FRMD6: variants seen among roughly 807,000 people sequenced by gnomAD.
The protein encoded by FRMD6 is FERM domain containing 6.
In FRMD6, 37 loss-of-function variants were observed where a neutral mutation model predicts 73.2. The ratio of observed to expected loss-of-function variants is 0.51; its 90% CI spans 0.39 to 0.66. The LOEUF is 0.66. FRMD6 is among the 30% of genes least tolerant of loss of function. The pLI is 0.00. For missense variants in FRMD6, 714 were observed against 780.5 expected, an observed-to-expected ratio of 0.91 and a Z score of 1.02; for synonymous variants, 273 against 282.2, an observed-to-expected ratio of 0.97 and a Z score of 0.33.
Position 51,561,610 on chromosome 14 carries a change from G to GTTTA in FRMD6, c.-209-8722_-209-8719dup, listed in dbSNP as rs760275009. On this transcript the variant is annotated intron_variant, in intron 1 of 14. Coordinates refer to the FRMD6 transcript ENST00000356218. The stretch of plus-strand genomic sequence containing the variant: ...ATTTGACAACAGGCTTGGGTGTTTT[G>GTTTA]TTTATTTATTTATTTATTTTGATGA... Among the ~76,000 whole-genome samples the GTTTA allele has an allele frequency of 8.2e-4, 125 of 152,232 alleles. 1 individual carries two copies. The highest frequency in any genetic ancestry group is 2.8e-3 in the African/African-American group (115 of 41,544).
chr14:51,487,538 A>G (rs1175007997), upstream of FRMD6, among the ~76,000 whole-genome samples: 1 of 152,202 alleles, frequency 6.6e-6, no homozygotes, highest in African/African-American at 2.4e-5. Context: ...CTGCTGTTCT[A>G]TGGGTCACAT....
the FRMD6 span, among the ~76,000 whole-genome samples, chr14:51,416,156 G>A: frequency 1.3e-5 from 2 of 152,170 alleles, no homozygotes; most frequent in South Asian, 4.1e-4. Flanking sequence ...ATCTCCTTCA[G>A]TTCTGCTCTG....
chr14:51,552,031 T>C (rs1886868865), intron 1 of FRMD6, among the ~76,000 whole-genome samples: 1 of 152,174 alleles, frequency 6.6e-6, no homozygotes, highest in South Asian at 2.1e-4. Context: ...GCCTAGAACA[T>C]TGCCTAGCCT....
the FRMD6 span, among the ~76,000 whole-genome samples, chr14:51,425,676 G>C: frequency 1.3e-5 from 2 of 152,160 alleles, no homozygotes; most frequent in African/African-American, 4.8e-5. Flanking sequence ...TATGGCTGCA[G>C]TCTCCTCATC....
chr14:51,463,899 C>G, the FRMD6 span, among the ~76,000 whole-genome samples: 1 of 152,216 alleles, frequency 6.6e-6, no homozygotes, highest in African/African-American at 2.4e-5. Context: ...CTCCCTGCAG[C>G]CTTAGCCTCC....
intron 1 of FRMD6, among the ~76,000 whole-genome samples, chr14:51,659,730 A>G (rs1040331982): frequency 6.6e-6 from 1 of 152,190 alleles, no homozygotes; most frequent in Non-Finnish European, 1.5e-5. Flanking sequence ...TGACTGGCCC[A>G]TGTCTTTTGC....
At chr14:51,625,929 C>T (rs1428176232) in intron 2 of FRMD6, among the ~76,000 whole-genome samples, 5 of 152,148 alleles carry the variant, frequency 3.3e-5, no homozygotes, top group Admixed American at 6.5e-5. Flanking sequence ...CTGTCTCCCC[C>T]GACCAGACTA....
intron 2 of FRMD6, among the ~76,000 whole-genome samples, chr14:51,631,371 G>A (rs994073788): frequency 1.3e-5 from 2 of 152,062 alleles, no homozygotes; most frequent in Admixed American, 1.3e-4. Context: ...CTGTCTTTAG[G>A]AACATTTGAT....
chr14:51,574,194 A>G (rs1186714195), intron 2 of FRMD6, among the ~76,000 whole-genome samples: 2 of 152,086 alleles, frequency 1.3e-5, no homozygotes, highest in African/African-American at 4.8e-5. Context: ...CTCTGACCTT[A>G]GCCACCACCT....
the FRMD6 span, among the ~76,000 whole-genome samples, chr14:51,410,905 G>A: frequency 1.7e-4 from 26 of 152,122 alleles, no homozygotes; most frequent in Non-Finnish European, 3.4e-4. Flanking sequence ...TATTTTGTTG[G>A]TGGTATACAC....
chr14:51,499,569 C>T (rs777013060), intron 1 of FRMD6, among the ~76,000 whole-genome samples: 36 of 152,184 alleles, frequency 2.4e-4, no homozygotes, highest in African/African-American at 7.7e-4. Context: ...GCAAATAAGA[C>T]GTGGAGTAGG....
At chr14:51,537,751 A>G (rs1384063762) in intron 1 of FRMD6, among the ~76,000 whole-genome samples, 1 of 152,196 alleles carries the variant, frequency 6.6e-6, no homozygotes, top group Non-Finnish European at 1.5e-5. Context: ...ATTCCCTAAT[A>G]ACGTAGGATT....
At chr14:51,707,577 A>G (rs1173469164) in intron 6 of FRMD6, among the ~76,000 whole-genome samples, 4 of 152,174 alleles carry the variant, frequency 2.6e-5, no homozygotes, top group Admixed American at 6.5e-5. Context: ...CCTCTTATGC[A>G]AGAACCAAAA....
chr14:51,423,320 G>A, the FRMD6 span, among the ~76,000 whole-genome samples: 2 of 152,186 alleles, frequency 1.3e-5, no homozygotes, highest in African/African-American at 4.8e-5. Context: ...GGGGGCACCC[G>A]TCTGTCACTG....
chr14:51,501,149 C>G (rs1185396205), intron 1 of FRMD6, among the ~76,000 whole-genome samples: 4 of 152,300 alleles, frequency 2.6e-5, no homozygotes, highest in African/African-American at 9.6e-5. Flanking sequence ...CAGAATCTCT[C>G]CATGCCCTGT....
At chr14:51,515,843 A>G (rs1884605302) in intron 1 of FRMD6, among the ~76,000 whole-genome samples, 1 of 152,186 alleles carries the variant, frequency 6.6e-6, no homozygotes. Context: ...CCTAGAGCCA[A>G]GCCAATGAGG....
At chr14:51,497,134 T>C (rs1406451927) in intron 1 of FRMD6, among the ~76,000 whole-genome samples, 1 of 152,178 alleles carries the variant, frequency 6.6e-6, no homozygotes, top group Non-Finnish European at 1.5e-5. Context: ...GGGCACATAT[T>C]TTCAGATTCC....
chr14:51,549,619 A>T (rs1886682235), intron 1 of FRMD6, among the ~76,000 whole-genome samples: 2 of 62,434 alleles, frequency 3.2e-5, no homozygotes, highest in South Asian at 6.2e-4. Flanking sequence ...TTTTTTTGAG[A>T]CAGAGTCTCG....
At chr14:51,559,300 G>T (rs1477038861) in intron 1 of FRMD6, among the ~76,000 whole-genome samples, 1 of 152,024 alleles carries the variant, frequency 6.6e-6, no homozygotes, top group Non-Finnish European at 1.5e-5. Context: ...CATAATTTTT[G>T]CCTTCTTCTG....
Sources: allele counts gnomAD v4.1 joint callset (sites outside exome capture counted in the v4.1 genomes callset), GRCh38; gene constraint gnomAD v4.1.1; transcripts MANE v1.5; gene names NCBI Gene and HGNC (gene_info 2026-07-23, HGNC 2026-07-21).